AGBL3: variants seen among roughly 807,000 people sequenced by gnomAD.
The protein encoded by AGBL3 is AGBL carboxypeptidase 3, also known as cytosolic carboxypeptidase 3.
In AGBL3, 68 loss-of-function variants were observed where a neutral mutation model predicts 94.5. The observed-to-expected ratio is 0.72, with a 90% CI of 0.59 to 0.88. AGBL3 has a LOEUF of 0.88. Among genes scored for constraint, AGBL3 ranks in the 40% least tolerant of loss-of-function variants. The pLI, the probability that AGBL3 is intolerant of heterozygous loss-of-function variation, is 0.00. For missense variants in AGBL3, 934 were observed against 1,103.8 expected, an observed-to-expected ratio of 0.85 and a Z score of 2.18; for synonymous variants, 354 against 370.7, an observed-to-expected ratio of 0.95 and a Z score of 0.52.
chr7:135,102,949 T>TA (rs1438910861), intron 15 of AGBL3, among the ~76,000 whole-genome samples: 2 of 152,160 alleles, frequency 1.3e-5, no homozygotes, highest in African/African-American at 4.8e-5. Context: ...TCATTCTCTT[T>TA]AAAAGACACT....
At chr7:135,134,649 A>T (rs1829230002) in intron 16 of AGBL3, among the ~76,000 whole-genome samples, 192 bp from the exon 17 acceptor site, 1 of 152,026 alleles carries the variant, frequency 6.6e-6, no homozygotes, top group Non-Finnish European at 1.5e-5. Context: ...TTAGAAATAC[A>T]GGATTGGAAT....
intron 16 of AGBL3, among the ~76,000 whole-genome samples, chr7:135,120,229 A>G (rs745738657): frequency 5.3e-5 from 8 of 152,180 alleles, no homozygotes; most frequent in Non-Finnish European, 1.2e-4. Flanking sequence ...GTAAATATAA[A>G]TTTTTCTAAA....
At chr7:135,132,165 G>A (rs1045723216) in intron 16 of AGBL3, among the ~76,000 whole-genome samples, 7 of 152,100 alleles carry the variant, frequency 4.6e-5, no homozygotes, top group African/African-American at 1.7e-4. Context: ...ATTTTATGAA[G>A]CCACTGTTAG....
intron 4 of AGBL3, chr7:135,011,031 G>A (rs906523591): frequency 2.0e-5 from 3 of 152,212 alleles, no homozygotes; most frequent in Middle Eastern, 3.4e-3. Flanking sequence ...AATTGTAAGA[G>A]TTACTAGCTC....
intron 13 of AGBL3, among the ~76,000 whole-genome samples, chr7:135,079,720 G>A (rs938332110): frequency 1.3e-5 from 2 of 151,022 alleles, no homozygotes; most frequent in South Asian, 2.1e-4. Flanking sequence ...TGCCCGCCTT[G>A]GCCTCCCTAA....
intron 3 of AGBL3, among the ~76,000 whole-genome samples, chr7:134,991,372 C>A (rs765997121): frequency 2.6e-5 from 4 of 152,042 alleles, no homozygotes; most frequent in Middle Eastern, 3.2e-3. Flanking sequence ...CTGTAAGGAC[C>A]CCTTTTCCTG....
At chr7:134,994,703 A>G (rs1810759642) in intron 4 of AGBL3, among the ~76,000 whole-genome samples, 2 of 152,230 alleles carry the variant, frequency 1.3e-5, no homozygotes, top group South Asian at 2.1e-4. Context: ...CATCTGGCAT[A>G]TAGATAGATA....
intron 12 of AGBL3, among the ~76,000 whole-genome samples, chr7:135,066,441 C>G (rs76880441): frequency 4.6e-3 from 704 of 152,224 alleles, no homozygotes; most frequent in Middle Eastern, 0.01. Context: ...TCATCTCACA[C>G]CTGCTTGGTC....
chr7:135,037,008 C>T (rs1316234758), intron 7 of AGBL3, among the ~76,000 whole-genome samples: 5 of 152,034 alleles, frequency 3.3e-5, no homozygotes, highest in African/African-American at 1.2e-4. Flanking sequence ...CAACCTCTGC[C>T]TCCTGGGTTC....
rs566300687 is a variant in AGBL3 at position 135,128,955 on chromosome 7, A to G, written c.2343-5886A>G. 3.8e-6 allele frequency: 6 copies of G among 1,574,748 alleles called. No individual in the cohort carries two copies. In the Admixed American group the frequency reaches 5.0e-5, roughly 13 times the overall value. On this transcript the variant is annotated intron_variant, in intron 16 of 16. Transcript: ENST00000436302. ...TATCTGTTTCTGTAAGAAGCTGGGT[A>G]GTGAATGCATGTACTTCTTGGAGTG...
At chr7:135,085,853 AG>A (rs1259661029) in intron 15 of AGBL3, among the ~76,000 whole-genome samples, 1 of 152,072 alleles carries the variant, frequency 6.6e-6, no homozygotes, top group African/African-American at 2.4e-5. Flanking sequence ...CACAAATTTT[AG>A]GATTGTTTTT....
intron 9 of AGBL3, 61 bp from the exon 10 acceptor site, chr7:135,045,413 T>C: frequency 1.5e-6 from 2 of 1,334,968 alleles, no homozygotes; most frequent in Non-Finnish European, 1.1e-6. Context: ...TTTTGCAATG[T>C]ACCTGCTAAG....
At chr7:135,010,035 T>C (rs1812919972) in intron 4 of AGBL3, 1 of 443,976 alleles carries the variant, frequency 2.3e-6, no homozygotes, top group Non-Finnish European at 4.5e-6. Context: ...TTTTTTTTTT[T>C]TTTAAGATGG....
chr7:135,105,909 C>T (rs1824640467), intron 15 of AGBL3, among the ~76,000 whole-genome samples: 1 of 152,150 alleles, frequency 6.6e-6, no homozygotes, highest in South Asian at 2.1e-4. Context: ...CTTCTGATTT[C>T]TTTGAGCAGT....
intron 16 of AGBL3, among the ~76,000 whole-genome samples, chr7:135,123,182 C>A (rs1247815160): frequency 6.6e-6 from 1 of 152,028 alleles, no homozygotes; most frequent in Non-Finnish European, 1.5e-5. Context: ...CTAGAATAAC[C>A]AGTTTAGAGA....
intron 12 of AGBL3, among the ~76,000 whole-genome samples, chr7:135,065,983 T>C (rs1819258652): frequency 6.6e-6 from 1 of 152,166 alleles, no homozygotes. Flanking sequence ...CAACTGAAGA[T>C]GGGCTAAACA....
chr7:135,080,383 C>T (rs570626191), intron 14 of AGBL3, 123 bp downstream of exon 14: 2 of 702,428 alleles, frequency 2.8e-6, no homozygotes, highest in South Asian at 3.5e-5. Context: ...GTATATGATA[C>T]CATTTCTTCC....
chr7:135,061,265 C>T (rs573642366), intron 12 of AGBL3, among the ~76,000 whole-genome samples: 1 of 151,928 alleles, frequency 6.6e-6, no homozygotes, highest in East Asian at 1.9e-4. Context: ...TATTGAGTTC[C>T]TGATATATTT....
At position 134,998,738 on chromosome 7, in the gene AGBL3, A is replaced by G. The variant is rs370650375; in HGVS notation, c.310+5060A>G. Among the ~76,000 whole-genome samples, 4 of 152,156 alleles carry G rather than the reference A, an allele frequency of 2.6e-5. No homozygotes were observed. In the East Asian group the frequency reaches 5.8e-4, roughly 22 times the overall value. On this transcript the variant is annotated intron_variant, in intron 4 of 16. Coordinates refer to ENST00000436302, the MANE Select transcript of AGBL3 (RefSeq NM_178563.4). ...ACACAGTCCACCCCGTTAGGCCCAT[A>G]GCAATTCCGACATAAAGGTTGAAAG...
Sources: allele counts gnomAD v4.1 joint callset (sites outside exome capture counted in the v4.1 genomes callset), GRCh38; gene constraint gnomAD v4.1.1; transcripts MANE v1.5; gene names NCBI Gene and HGNC (gene_info 2026-07-23, HGNC 2026-07-21).